ERC1: variants seen among roughly 807,000 people sequenced by gnomAD.
ERC1 encodes the protein ELKS/RAB6-interacting/CAST family member 1.
A neutral mutation model predicts 132.0 loss-of-function variants in ERC1; 56 were observed. The observed-to-expected ratio is 0.42, with a 90% confidence interval of 0.34 to 0.53. The LOEUF is 0.53. Among genes scored for constraint, ERC1 ranks in the 20% least tolerant of loss-of-function variants. The pLI is 0.03. For synonymous variants in ERC1, 478 were observed against 476.1 expected (o/e 1.00, Z -0.05); for missense variants, 1,202 against 1,349.9 (o/e 0.89, Z 1.72).
At chr12:1,471,935 G>T (rs1483454403) in intron 18 of ERC1, among the ~76,000 whole-genome samples, 1 of 152,198 alleles carries the variant, frequency 6.6e-6, no homozygotes, top group Admixed American at 6.5e-5. Flanking sequence ...ACAACAGATA[G>T]ATCTATCAGT....
At position 1,490,669 on chromosome 12, in the gene ERC1, A is replaced by G. The variant is rs1048791004; in HGVS notation, c.*439A>G. 9 of 238,390 alleles carry G rather than the reference A, an allele frequency of 3.8e-5. No homozygotes were observed. Among genetic ancestry groups the G allele is most frequent in the African/African-American group, 8.8e-5 (4 of 45,530 alleles). 14.8% of individuals were successfully genotyped at this position (238,390 alleles called of 1,614,324 possible). A position where few individuals can be genotyped will look rare whatever the true frequency, so the allele number is the denominator to read the frequency against. Reference sequence around the variant, plus strand: ...CCAGAGAGCTGAGTGTTCTAATATCACAATAGGTGCTTTCTCCTAAAAGGG... The same window carrying G: ...CCAGAGAGCTGAGTGTTCTAATATCGCAATAGGTGCTTTCTCCTAAAAGGG... On this transcript the variant is annotated 3_prime_UTR_variant, in exon 19 of 19. Transcript: ENST00000360905.
At chr12:1,384,654 A>G (rs1047475608) in intron 16 of ERC1, among the ~76,000 whole-genome samples, 3 of 152,240 alleles carry the variant, frequency 2.0e-5, no homozygotes, top group African/African-American at 4.8e-5. Context: ...AAGAACATCT[A>G]TCATACCTGA....
chr12:1,082,991 C>T, intron 2 of ERC1, 173 bp from the exon 3 acceptor site: 1 of 579,978 alleles, frequency 1.7e-6, no homozygotes, highest in Non-Finnish European at 3.0e-6. Flanking sequence ...AAATTACTGA[C>T]ATTTTGCATA....
chr12:1,104,259 A>G (rs1422962795), intron 3 of ERC1, among the ~76,000 whole-genome samples: 2 of 152,126 alleles, frequency 1.3e-5, no homozygotes, highest in Non-Finnish European at 1.5e-5. Flanking sequence ...GTAGGTAACC[A>G]GGTGGTGGTT....
At chr12:1,192,146 T>A (rs1190680564) in intron 12 of ERC1, among the ~76,000 whole-genome samples, 1 of 152,196 alleles carries the variant, frequency 6.6e-6, no homozygotes, top group Non-Finnish European at 1.5e-5. Context: ...GCAACTGTTA[T>A]TTGAAGACTC....
intron 8 of ERC1, among the ~76,000 whole-genome samples, chr12:1,150,959 C>A (rs1370046212): frequency 2.6e-5 from 4 of 152,112 alleles, no homozygotes; most frequent in African/African-American, 9.7e-5. Context: ...AATAATGTAT[C>A]CGTGTTGATT....
rs2094342182 is a variant in ERC1 at position 1,494,126 on chromosome 12, C to T, written c.*3896C>T. The T allele has an allele frequency of 4.3e-6, 1 of 232,120 alleles. No homozygotes were observed. Among genetic ancestry groups the T allele is most frequent in the Non-Finnish European group, 8.5e-6 (1 of 117,376 alleles). The allele number at this position is 232,120 out of a possible 1,614,324, so 14.4% of individuals were successfully genotyped here. A position where few individuals can be genotyped will look rare whatever the true frequency, so the allele number is the denominator to read the frequency against. On this transcript the variant is annotated 3_prime_UTR_variant, in exon 19 of 19. Coordinates refer to ENST00000360905, the MANE Select transcript of ERC1 (RefSeq NM_178040.4). The stretch of plus-strand genomic sequence containing the variant: ...CTGCGTGGAGTGTGACACCACATGG[C>T]ATTTCTCAAGCCCAGCGGACCCTGT...
At chr12:1,137,353 TCCCAAAGTGCTGGGATTA>T (rs1158108346) in intron 7 of ERC1, among the ~76,000 whole-genome samples, 1 of 151,556 alleles carries the variant, frequency 6.6e-6, no homozygotes, top group African/African-American at 2.4e-5. Context: ...CATCCTGGCC[TCCCAAAGTGCTGGGATTA>T]CAGGTGTGAG....
chr12:1,471,274 G>A (rs1259420973), intron 18 of ERC1, among the ~76,000 whole-genome samples: 3 of 152,190 alleles, frequency 2.0e-5, no homozygotes, highest in East Asian at 1.9e-4. Context: ...AATTAGAGAG[G>A]TATAACTTTT....
intron 18 of ERC1, among the ~76,000 whole-genome samples, chr12:1,459,962 G>A (rs2093613692): frequency 6.6e-6 from 1 of 152,126 alleles, no homozygotes; most frequent in South Asian, 2.1e-4. Context: ...AGACAGATGT[G>A]TATACACATG....
At chr12:1,231,858 G>A (rs1261911425) in intron 12 of ERC1, among the ~76,000 whole-genome samples, 2 of 151,978 alleles carry the variant, frequency 1.3e-5, no homozygotes, top group African/African-American at 4.8e-5. Context: ...TCCTGCCTCC[G>A]CCTCCCAAGT....
At chr12:1,458,398 G>T (rs1285100488) in intron 18 of ERC1, among the ~76,000 whole-genome samples, 2 of 152,068 alleles carry the variant, frequency 1.3e-5, no homozygotes, top group Non-Finnish European at 2.9e-5. Context: ...AAATCCTATC[G>T]TATTGGATTG....
At chr12:1,214,412 C>G (rs11837972) in intron 12 of ERC1, among the ~76,000 whole-genome samples, 65,872 of 151,826 alleles carry the variant, frequency 0.43, 16,095 homozygotes, top group African/African-American at 0.67. Context: ...ACATTAAGGT[C>G]CTTGGTATAT....
chr12:1,043,398 A>C (rs1297724115), intron 2 of ERC1, among the ~76,000 whole-genome samples: 3 of 152,202 alleles, frequency 2.0e-5, no homozygotes, highest in Non-Finnish European at 4.4e-5. Flanking sequence ...CTTAAATGGT[A>C]GCAGATAAAT....
chr12:1,451,769 G>T (rs973515891), intron 18 of ERC1, among the ~76,000 whole-genome samples: 7 of 152,146 alleles, frequency 4.6e-5, no homozygotes, highest in African/African-American at 1.4e-4. Context: ...GGCCAGAATT[G>T]TGTCCCCCCT....
intron 12 of ERC1, among the ~76,000 whole-genome samples, chr12:1,221,491 A>C (rs781509665): frequency 1.3e-5 from 2 of 152,202 alleles, no homozygotes; most frequent in Non-Finnish European, 2.9e-5. Flanking sequence ...GTATTTTTGC[A>C]GAAGTTAAAA....
At chr12:1,372,076 T>C (rs1293039680) in intron 16 of ERC1, 99 bp downstream of exon 16, 4 of 1,352,396 alleles carry the variant, frequency 3.0e-6, no homozygotes, top group Non-Finnish European at 3.0e-6. Flanking sequence ...TCATGTTTCA[T>C]ATTAGACATC....
At chr12:1,459,069 C>T (rs548257194) in intron 18 of ERC1, among the ~76,000 whole-genome samples, 3 of 152,160 alleles carry the variant, frequency 2.0e-5, no homozygotes, top group East Asian at 1.9e-4. Context: ...TTGAGGAATT[C>T]GAGCATCAAA....
At chr12:1,197,575 T>A (rs1332771193) in intron 12 of ERC1, among the ~76,000 whole-genome samples, 1 of 152,234 alleles carries the variant, frequency 6.6e-6, no homozygotes, top group African/African-American at 2.4e-5. Context: ...GTTGTTTTGC[T>A]GCTAGGGGCC....
Sources: gnomAD v4.1 joint callset for allele counts (sites outside exome capture counted in the v4.1 genomes callset) on GRCh38, gnomAD v4.1.1 for gene constraint, MANE v1.5 for transcripts, NCBI Gene and HGNC (gene_info 2026-07-23, HGNC 2026-07-21) for gene names.